ZCWPW2: variants seen among roughly 807,000 people sequenced by gnomAD.
ZCWPW2 encodes the protein zinc finger CW-type PWWP domain protein 2.
A neutral mutation model predicts 46.6 loss-of-function variants in ZCWPW2; 45 were observed. The observed-to-expected ratio is 0.96, with a 90% CI of 0.76 to 1.24. The LOEUF is 1.24. ZCWPW2 is among the 50% of genes most tolerant of loss of function. The pLI, the probability that ZCWPW2 is intolerant of heterozygous loss-of-function variation, is 0.00. For synonymous variants in ZCWPW2, 152 were observed against 137.1 expected (o/e 1.11, Z -0.76); for missense variants, 429 against 403.9 (o/e 1.06, Z -0.53).
chr3:28,494,419 A>C (rs1378557172), intron 6 of ZCWPW2, among the ~76,000 whole-genome samples: 1 of 139,568 alleles, frequency 7.2e-6, no homozygotes, highest in African/African-American at 2.7e-5. Context: ...TCCTTTCCCC[A>C]TTGCTTGTTT....
At chr3:28,440,949 G>C (rs1469801902) in intron 4 of ZCWPW2, among the ~76,000 whole-genome samples, 1 of 152,218 alleles carries the variant, frequency 6.6e-6, no homozygotes, top group Non-Finnish European at 1.5e-5. Context: ...CCATATCGAA[G>C]ACTCAGTGTT....
intron 4 of ZCWPW2, among the ~76,000 whole-genome samples, chr3:28,466,029 T>A (rs1698808424): frequency 6.6e-6 from 1 of 152,132 alleles, no homozygotes; most frequent in Non-Finnish European, 1.5e-5. Context: ...TTTGTAGCAA[T>A]ATAGATGGAG....
In ZCWPW2 at chr3:28,449,401, T is replaced by C. The variant is rs1458062461; in HGVS notation, c.492+14132T>C. Among the ~76,000 whole-genome samples, 9 of 152,312 alleles carry C rather than the reference T, an allele frequency of 5.9e-5. No individual in the cohort carries two copies. In the East Asian group the frequency reaches 1.5e-3, roughly 26 times the overall value. ...TCATGAAAGAACCTTGAGGATATTA[T>C]GATAAGTGAAATAATGCAATCACAA... On this transcript the variant is annotated intron_variant, in intron 4 of 9. Transcript: ENST00000383768.
At chr3:28,507,315 G>A (rs183122860) in intron 6 of ZCWPW2, among the ~76,000 whole-genome samples, 2 of 152,212 alleles carry the variant, frequency 1.3e-5, no homozygotes, top group Admixed American at 6.6e-5. Context: ...CATTAGTACC[G>A]ATAAAGTACT....
At chr3:28,440,982 G>T (rs560735061) in intron 4 of ZCWPW2, among the ~76,000 whole-genome samples, 2 of 152,300 alleles carry the variant, frequency 1.3e-5, no homozygotes, top group South Asian at 4.1e-4. Flanking sequence ...TGGCAAATTG[G>T]GCACTCAGCA....
At chr3:28,349,347 C>A in intron 1 of ZCWPW2, 144 bp downstream of exon 1, 1 of 343,694 alleles carries the variant, frequency 2.9e-6, no homozygotes, top group Non-Finnish European at 4.1e-6. Flanking sequence ...AGCGCTGTTA[C>A]AGGCTTACGA....
At chr3:28,503,975 C>T (rs1452675379) in intron 6 of ZCWPW2, among the ~76,000 whole-genome samples, 1 of 151,868 alleles carries the variant, frequency 6.6e-6, no homozygotes, top group Non-Finnish European at 1.5e-5. Flanking sequence ...GCAGGTGGAT[C>T]GCTTGAGCCC....
chr3:28,501,373 T>A (rs571679152), intron 6 of ZCWPW2, among the ~76,000 whole-genome samples: 1 of 152,256 alleles, frequency 6.6e-6, no homozygotes, highest in South Asian at 2.1e-4. Flanking sequence ...TCTCCTGGTT[T>A]TTGGAAGACA....
rs914037731 is a variant in ZCWPW2 at position 28,421,235 on chromosome 3, A to G, written c.332+7835A>G. ...AAGCTCCCCACTCACAACTCTAGGTAGTAGGGGTAGGATGACCTTTTTATT... is the reference window on the plus strand; with the variant it reads ...AAGCTCCCCACTCACAACTCTAGGTGGTAGGGGTAGGATGACCTTTTTATT... On this transcript the variant is annotated intron_variant, in intron 3 of 9. Transcript: ENST00000383768. 2.2e-4 allele frequency among the ~76,000 whole-genome samples: 34 copies of G among 152,240 alleles called. No homozygotes were observed. In the Middle Eastern group the frequency reaches 0.014, roughly 61 times the overall value.
chr3:28,429,111 C>A (rs1267668522), intron 3 of ZCWPW2, among the ~76,000 whole-genome samples: 1 of 152,136 alleles, frequency 6.6e-6, no homozygotes, highest in East Asian at 1.9e-4. Flanking sequence ...CGATACAAGA[C>A]AGAAAGATGT....
At chr3:28,372,204 T>C (rs1705359186) in intron 1 of ZCWPW2, among the ~76,000 whole-genome samples, 1 of 152,166 alleles carries the variant, frequency 6.6e-6, no homozygotes, top group African/African-American at 2.4e-5. Flanking sequence ...AGGACTTATA[T>C]TGATAAAAGA....
At position 28,458,729 on chromosome 3, in the gene ZCWPW2, G is replaced by T. The variant is rs71319051; in HGVS notation, c.493-20085G>T. The stretch of plus-strand genomic sequence containing the variant: ...ATTTGTAAACTGGAAAGCCGCACAG[G>T]CCTTCTTATTGATCAACTGTTGTTA... On this transcript the variant is annotated intron_variant, in intron 4 of 9. Transcript: ENST00000383768. Among the ~76,000 whole-genome samples the T allele has an allele frequency of 2.0e-3, 309 of 152,244 alleles. 1 individual carries two copies. The highest frequency in any genetic ancestry group is 3.0e-3 in the Non-Finnish European group (201 of 68,024).
chr3:28,424,608 T>A lies in ZCWPW2; in HGVS notation c.333-10502T>A, dbSNP rs1435872005. Reference sequence around the variant, plus strand: ...GAAACCAAACATGTCAATGTATTGATCTTATATGTTAATCCCCCACAACTA... The same window carrying A: ...GAAACCAAACATGTCAATGTATTGAACTTATATGTTAATCCCCCACAACTA... On this transcript the variant is annotated intron_variant, in intron 3 of 9. Coordinates refer to ENST00000383768, the MANE Select transcript of ZCWPW2 (RefSeq NM_001040432.4). Among the ~76,000 whole-genome samples, 3 of 152,136 alleles carry A rather than the reference T, an allele frequency of 2.0e-5. No individual in the cohort carries two copies. The East Asian group carries it at 5.8e-4, about 29-fold the overall frequency.
chr3:28,489,487 A>G (rs1234652620), intron 5 of ZCWPW2, among the ~76,000 whole-genome samples: 1 of 152,010 alleles, frequency 6.6e-6, no homozygotes, highest in Non-Finnish European at 1.5e-5. Context: ...TTTTATTATT[A>G]CTCATCAATT....
chr3:28,442,021 T>C (rs978908476), intron 4 of ZCWPW2, among the ~76,000 whole-genome samples: 1 of 152,192 alleles, frequency 6.6e-6, no homozygotes, highest in African/African-American at 2.4e-5. Flanking sequence ...TCAAGCAACA[T>C]TGGTTCTGCT....
At chr3:28,366,161 C>G (rs1156876932) in intron 1 of ZCWPW2, among the ~76,000 whole-genome samples, 2 of 142,874 alleles carry the variant, frequency 1.4e-5, no homozygotes, top group African/African-American at 5.2e-5. Context: ...ATTACCCTGG[C>G]CAGAACTTCC....
At position 28,492,193 on chromosome 3, in the gene ZCWPW2, T is replaced by C. The variant is rs1378999955; in HGVS notation, c.657+20T>C. ...AAAAGGGTAAGATTGTGTTTTATTA[T>C]ATAAAATATACAAACTTCAAATTTC... is the stretch of plus-strand genomic sequence containing the variant. On this transcript the variant is annotated intron_variant, in intron 6 of 9. Coordinates refer to ENST00000383768, the MANE Select transcript of ZCWPW2 (RefSeq NM_001040432.4). The C allele has an allele frequency of 6.3e-7, 1 of 1,583,344 alleles. No individual in the cohort carries two copies. The highest frequency in any genetic ancestry group is 8.6e-7 in the Non-Finnish European group (1 of 1,165,600).
chr3:28,510,807 G>A (rs1700405992), intron 6 of ZCWPW2, among the ~76,000 whole-genome samples: 1 of 152,110 alleles, frequency 6.6e-6, no homozygotes, highest in African/African-American at 2.4e-5. Context: ...ACCAGTTTCT[G>A]TAAGGAAAGT....
At chr3:28,360,802 TGAAAA>T (rs1053043755) in intron 1 of ZCWPW2, among the ~76,000 whole-genome samples, 1 of 151,654 alleles carries the variant, frequency 6.6e-6, no homozygotes, top group Non-Finnish European at 1.5e-5. Flanking sequence ...CAAGGGACCT[TGAAAA>T]GAAAAAAAAG....
Sources: allele counts gnomAD v4.1 joint callset (sites outside exome capture counted in the v4.1 genomes callset), GRCh38; gene constraint gnomAD v4.1.1; transcripts MANE v1.5; gene names NCBI Gene and HGNC (gene_info 2026-07-23, HGNC 2026-07-21).